The following CNNM2 variants were observed in gnomAD, a reference collection of about 807,000 sequenced individuals.
CNNM2 encodes the protein metal transporter CNNM2.
CNNM2 carries 12 observed loss-of-function variants against 66.9 expected under a neutral mutation model. The observed-to-expected ratio is 0.18, with a 90% CI of 0.11 to 0.29. CNNM2 has a LOEUF of 0.29. Among genes scored for constraint, CNNM2 ranks in the 10% least tolerant of loss-of-function variants. CNNM2 has a pLI of 1.00. For synonymous variants in CNNM2, 557 were observed against 501.8 expected, an observed-to-expected ratio of 1.11 and a Z score of -1.47; for missense variants, 705 against 1,167.7, an observed-to-expected ratio of 0.60 and a Z score of 5.77.
At chr10:103,020,019 T>C (rs952115514) in intron 1 of CNNM2, among the ~76,000 whole-genome samples, 10 of 152,240 alleles carry the variant, frequency 6.6e-5, no homozygotes, top group African/African-American at 1.7e-4. Flanking sequence ...ACAACGAACA[T>C]GTGTTACTCG....
chr10:102,995,519 C>A (rs1178146472), intron 1 of CNNM2, among the ~76,000 whole-genome samples: 1 of 151,548 alleles, frequency 6.6e-6, no homozygotes, highest in Non-Finnish European at 1.5e-5. Flanking sequence ...CTTTCTCTTT[C>A]TTGCTAACTC....
chr10:102,978,630 CA>C (rs1311074418), intron 1 of CNNM2, among the ~76,000 whole-genome samples: 1 of 152,150 alleles, frequency 6.6e-6, no homozygotes, highest in Non-Finnish European at 1.5e-5. Flanking sequence ...ATCTTTCAAA[CA>C]AAAAACTTTA....
chr10:102,962,977 C>T (rs954638514), intron 1 of CNNM2, among the ~76,000 whole-genome samples: 1 of 152,020 alleles, frequency 6.6e-6, no homozygotes, highest in African/African-American at 2.4e-5. Flanking sequence ...AATGGAAAAA[C>T]TATTACTAGG....
chr10:102,973,824 C>A (rs988213288), intron 1 of CNNM2, among the ~76,000 whole-genome samples: 2 of 149,808 alleles, frequency 1.3e-5, no homozygotes, highest in Non-Finnish European at 1.5e-5. Flanking sequence ...ATTCCCCCCC[C>A]CCCTTTTTTA....
chr10:103,068,515 A>C (rs2065518789), intron 4 of CNNM2, 114 bp from the exon 5 acceptor site: 3 of 839,612 alleles, frequency 3.6e-6, no homozygotes, highest in Non-Finnish European at 6.0e-6. Context: ...TACTCCCTCG[A>C]TAGTGTTGGG....
chr10:102,921,087 ATTTG>A, intron 1 of CNNM2: 1 of 971,008 alleles, frequency 1.0e-6, no homozygotes, highest in Non-Finnish European at 1.2e-6. Context: ...CATCATTTAT[ATTTG>A]TTCGTTTGAC....
Position 103,085,351 on chromosome 10 carries a change from C to A in CNNM2, c.*8171C>A, listed in dbSNP as rs2065795066. The A allele has an allele frequency of 6.6e-6, 1 of 152,208 alleles. No individual in the cohort carries two copies. The highest frequency in any genetic ancestry group is 2.1e-4 in the South Asian group (1 of 4,832). 9.4% of individuals were successfully genotyped at this position (152,208 alleles called of 1,614,324 possible). ...CAAAGATAACTCTGGTGAGAACACT[C>A]TCTCAAAGACTGGACACTGAGTAAA... On this transcript the variant is annotated 3_prime_UTR_variant, in exon 8 of 8. Transcript: ENST00000369878.
intron 1 of CNNM2, among the ~76,000 whole-genome samples, chr10:103,046,381 T>C (rs189862293): frequency 6.6e-6 from 1 of 152,200 alleles, no homozygotes; most frequent in Admixed American, 6.5e-5. Flanking sequence ...GCTAAGCTTG[T>C]GGGAGTTATT....
chr10:102,940,878 C>A (rs1000143073), intron 1 of CNNM2, among the ~76,000 whole-genome samples: 2 of 152,072 alleles, frequency 1.3e-5, no homozygotes, highest in Non-Finnish European at 2.9e-5. Flanking sequence ...CCTGCCATCA[C>A]GCCTGGCCAA....
chr10:102,948,794 A>G (rs1032751807), intron 1 of CNNM2, among the ~76,000 whole-genome samples: 1 of 152,176 alleles, frequency 6.6e-6, no homozygotes, highest in South Asian at 2.1e-4. Flanking sequence ...AGAAATGATG[A>G]CAGCTGGGTG....
At position 103,085,413 on chromosome 10, in the gene CNNM2, T is replaced by G. The variant is rs2065795881; in HGVS notation, c.*8233T>G. 1 of 150,336 alleles carries G rather than the reference T, an allele frequency of 6.7e-6. No individual in the cohort carries two copies. The highest frequency in any genetic ancestry group is 3.4e-3 in the Middle Eastern group (1 of 292). 9.3% of individuals were successfully genotyped at this position (150,336 alleles called of 1,614,324 possible). A position where few individuals can be genotyped will look rare whatever the true frequency, so the allele number is the denominator to read the frequency against. ...GTGGGGAAGGTTTGCTTGGCAAATC[T>G]TCTTTCCAAGTATCTCAAGAACTTG... On this transcript the variant is annotated 3_prime_UTR_variant, in exon 8 of 8. Coordinates refer to ENST00000369878, the MANE Select transcript of CNNM2 (RefSeq NM_017649.5).
At chr10:102,920,136 T>C in intron 1 of CNNM2, 35 bp downstream of exon 1, 1 of 1,614,142 alleles carries the variant, frequency 6.2e-7, no homozygotes, top group Admixed American at 1.7e-5. Context: ...TGGCTTGCTC[T>C]TTCTCTCTCC....
intron 1 of CNNM2, among the ~76,000 whole-genome samples, chr10:102,927,152 T>C (rs1845897735): frequency 6.6e-6 from 1 of 152,178 alleles, no homozygotes. Flanking sequence ...GTATATATTT[T>C]TCAAATGAGC....
Position 102,918,301 on chromosome 10 carries a change from T to A in CNNM2, c.-180T>A. ...AGCAGCCGGCGCTCCTCTCCCTCCC[T>A]CTTTCCCTCCCGCGAGCCTCGGGGT... is the stretch of plus-strand genomic sequence containing the variant. On this transcript the variant is annotated 5_prime_UTR_variant, in exon 1 of 8. Transcript: ENST00000369878. This position sits in a 1 kb window ranked among gnomAD's most constrained non-coding sequence, Gnocchi z 4.1. 1.8e-6 allele frequency: 2 copies of A among 1,121,088 alleles called. No individual in the cohort carries two copies. The highest frequency in any genetic ancestry group is 2.4e-6 in the Non-Finnish European group (2 of 828,610). The allele number at this position is 1,121,088 out of a possible 1,614,324, so 69.4% of individuals were successfully genotyped here.
chr10:103,015,035 T>A (rs1272878571), intron 1 of CNNM2, among the ~76,000 whole-genome samples: 1 of 152,194 alleles, frequency 6.6e-6, no homozygotes, highest in Non-Finnish European at 1.5e-5. Context: ...TCAAATAGTC[T>A]CTTAAGAATT....
chr10:102,948,868 C>G (rs770732348), intron 1 of CNNM2, among the ~76,000 whole-genome samples: 2 of 141,120 alleles, frequency 1.4e-5, no homozygotes, highest in African/African-American at 2.6e-5. Flanking sequence ...TACCAACCCC[C>G]CTTTCAATGA....
intron 1 of CNNM2, among the ~76,000 whole-genome samples, chr10:102,956,629 A>G (rs1427101454): frequency 6.6e-6 from 1 of 152,190 alleles, no homozygotes; most frequent in East Asian, 1.9e-4. Context: ...ACCATCGAAT[A>G]CTGTGCAGCC....
rs751154656 is a variant in CNNM2, at chr10:102,918,565, G to T, written c.85G>T (p.Ala29Ser). 1 of 1,586,010 alleles carries T rather than the reference G, an allele frequency of 6.3e-7. No individual in the cohort carries two copies. Among genetic ancestry groups the T allele is most frequent in the South Asian group, 1.1e-5 (1 of 87,912 alleles). ...AAALPTWKMA[A>S]RRSLSARGRG... ...CGCACTGCCCACTTGGAAGATGGCG[G>T]CGCGCCGCAGCCTCAGCGCTCGCGG... The change falls in exon 1 of 8, where the codon GCG (alanine) becomes TCG (serine). Residue 29 changes from alanine to serine, a missense_variant. Ala to Ser is a moderately conservative substitution (Grantham distance 99). Around this residue, in one of 9 missense-constraint regions of CNNM2, gnomAD observed 98 missense variants for 73.6 expected, o/e 1.33. Transcript: ENST00000369878. This position sits in a 1 kb window ranked among gnomAD's most constrained non-coding sequence, Gnocchi z 4.1.
rs10509764 is a variant in CNNM2, at chr10:103,016,718, G to A, written c.1622-32989G>A. Among the ~76,000 whole-genome samples, 46,892 of 152,038 alleles carry A rather than the reference G, an allele frequency of 0.31. 7,384 individuals carry two copies. The highest frequency in any genetic ancestry group is 0.36 in the Middle Eastern group (106 of 294). On this transcript the variant is annotated intron_variant, in intron 1 of 7. Transcript: ENST00000369878. The stretch of plus-strand genomic sequence containing the variant: ...GCCAGGCTTCGTTTGTAATCATTCA[G>A]TGCCTACTTGATGATCCTTCTATAG...
Sources: allele counts gnomAD v4.1 joint callset (sites outside exome capture counted in the v4.1 genomes callset), GRCh38; gene constraint gnomAD v4.1.1; regional missense constraint gnomAD v4.1.1; non-coding constraint Gnocchi (gnomAD v3.1); transcripts MANE v1.5; gene names NCBI Gene and HGNC (gene_info 2026-07-23, HGNC 2026-07-21).